Variants in DNAJC1 observed in about 807,000 individuals in gnomAD.
The protein encoded by DNAJC1 is DnaJ heat shock protein family (Hsp40) member C1.
In DNAJC1, 58 loss-of-function variants were observed where a neutral mutation model predicts 76.6. That is an observed-to-expected ratio of 0.76 (90% confidence interval 0.61 to 0.94). DNAJC1 has a LOEUF of 0.94. Ranked by LOEUF, DNAJC1 falls within the 40% of genes least tolerant of loss-of-function variation. DNAJC1 has a pLI of 0.00. For synonymous variants in DNAJC1, 258 were observed against 267.9 expected (o/e 0.96, Z 0.36); for missense variants, 689 against 677.3 (o/e 1.02, Z -0.19).
chr10:21,791,647 T>G (rs1219461781), intron 9 of DNAJC1, among the ~76,000 whole-genome samples: 1 of 151,836 alleles, frequency 6.6e-6, no homozygotes, highest in East Asian at 1.9e-4. Context: ...GACCAATTGG[T>G]CAATAAAAAA....
chr10:21,854,868 A>T (rs1197316551), intron 8 of DNAJC1, among the ~76,000 whole-genome samples: 1 of 152,232 alleles, frequency 6.6e-6, no homozygotes, highest in Non-Finnish European at 1.5e-5. Flanking sequence ...AAATAAATTT[A>T]TAACTAAAAA....
At chr10:21,927,405 C>A (rs896773926) in intron 3 of DNAJC1, among the ~76,000 whole-genome samples, 2 of 152,146 alleles carry the variant, frequency 1.3e-5, no homozygotes, top group Non-Finnish European at 2.9e-5. Flanking sequence ...ATAGGGTTGT[C>A]TGGAGATGTA....
At chr10:21,778,707 G>A (rs909058991) in intron 9 of DNAJC1, among the ~76,000 whole-genome samples, 2 of 152,208 alleles carry the variant, frequency 1.3e-5, no homozygotes, top group Non-Finnish European at 2.9e-5. Context: ...TTCCAATTGA[G>A]ATACCAGGTT....
chr10:21,920,613 GA>G, intron 4 of DNAJC1, 184 bp downstream of exon 4: 1 of 490,652 alleles, frequency 2.0e-6, no homozygotes, highest in Non-Finnish European at 3.2e-6. Context: ...TTTTTTAAAA[GA>G]AGAATATTTT....
At chr10:21,842,455 T>C (rs972572533) in intron 8 of DNAJC1, among the ~76,000 whole-genome samples, 8 of 152,178 alleles carry the variant, frequency 5.3e-5, no homozygotes, top group African/African-American at 1.9e-4. Context: ...TTAAAAAGCG[T>C]ATATAATTCT....
At chr10:21,939,520 T>A (rs1039327091) in intron 1 of DNAJC1, among the ~76,000 whole-genome samples, 1 of 152,210 alleles carries the variant, frequency 6.6e-6, no homozygotes, top group African/African-American at 2.4e-5. Context: ...TAAATCTTTT[T>A]ACTGTATTTT....
At chr10:21,957,024 T>C (rs1300199108) in intron 1 of DNAJC1, among the ~76,000 whole-genome samples, 1 of 151,560 alleles carries the variant, frequency 6.6e-6, no homozygotes, top group Non-Finnish European at 1.5e-5. Context: ...CCCAAGGAAC[T>C]GGGATTACAG....
At chr10:21,779,364 C>A (rs974594171) in intron 9 of DNAJC1, among the ~76,000 whole-genome samples, 1 of 152,174 alleles carries the variant, frequency 6.6e-6, no homozygotes, top group Non-Finnish European at 1.5e-5. Context: ...CCAACTGACA[C>A]CTCACACGGC....
intron 1 of DNAJC1, among the ~76,000 whole-genome samples, chr10:21,951,616 CCT>C (rs1837596490): frequency 6.6e-6 from 1 of 151,908 alleles, no homozygotes; most frequent in Non-Finnish European, 1.5e-5. Context: ...TATCAGTTTC[CCT>C]TTGTCCAGAG....
chr10:21,891,476 C>CAAAAAAAAAAAAAAAAAAAAAAA (rs369729722), intron 7 of DNAJC1, among the ~76,000 whole-genome samples: 132 of 38,594 alleles, frequency 3.4e-3, no homozygotes, highest in Non-Finnish European at 4.1e-3. Flanking sequence ...ACAAAGTAGA[C>CAAAAAAAAAAAAAAAAAAAAAAA]AAAAAAAAAA....
intron 8 of DNAJC1, among the ~76,000 whole-genome samples, chr10:21,871,794 C>T (rs1207686722): frequency 6.6e-6 from 1 of 151,794 alleles, no homozygotes; most frequent in African/African-American, 2.4e-5. Context: ...CACCACCACA[C>T]CCAGCTAATT....
At chr10:21,813,663 C>T (rs1329048772) in intron 8 of DNAJC1, among the ~76,000 whole-genome samples, 2 of 152,180 alleles carry the variant, frequency 1.3e-5, no homozygotes, top group Non-Finnish European at 2.9e-5. Context: ...GCTGGGATTA[C>T]AGGCGTGAGC....
intron 8 of DNAJC1, among the ~76,000 whole-genome samples, chr10:21,840,990 C>G (rs2131679123): frequency 6.6e-6 from 1 of 152,274 alleles, no homozygotes; most frequent in East Asian, 1.9e-4. Context: ...CTGACAAAAA[C>G]AAGCAATGGG....
At chr10:21,897,838 C>A (rs569680454) in intron 7 of DNAJC1, among the ~76,000 whole-genome samples, 158 of 152,344 alleles carry the variant, frequency 1.0e-3, no homozygotes, top group African/African-American at 3.7e-3. Context: ...ACTCCCACCA[C>A]ACTTTGTTGT....
At chr10:21,849,641 A>G (rs186895914) in intron 8 of DNAJC1, among the ~76,000 whole-genome samples, 15 of 152,270 alleles carry the variant, frequency 9.9e-5, no homozygotes, top group Admixed American at 3.9e-4. Context: ...CTGATTTCCA[A>G]GTCTGACAAA....
chr10:21,867,268 G>A (rs776438463), intron 8 of DNAJC1, among the ~76,000 whole-genome samples: 13 of 152,026 alleles, frequency 8.6e-5, no homozygotes, highest in African/African-American at 1.5e-4. Flanking sequence ...GACAGCGAGC[G>A]AATATAAGAA....
At chr10:21,910,941 G>A (rs1836848549) in intron 6 of DNAJC1, among the ~76,000 whole-genome samples, 1 of 146,294 alleles carries the variant, frequency 6.8e-6, no homozygotes, top group South Asian at 2.2e-4. Context: ...GAGAGAGAAA[G>A]AGACAAAGAA....
At chr10:21,844,278 TTG>T (rs1435361004) in intron 8 of DNAJC1, among the ~76,000 whole-genome samples, 1 of 152,076 alleles carries the variant, frequency 6.6e-6, no homozygotes, top group African/African-American at 2.4e-5. Flanking sequence ...TTTTTTTTTT[TTG>T]TATTTTTAGT....
At chr10:21,846,414 G>A (rs1330185891) in intron 8 of DNAJC1, among the ~76,000 whole-genome samples, 4 of 152,116 alleles carry the variant, frequency 2.6e-5, no homozygotes, top group Non-Finnish European at 5.9e-5. Context: ...GGTTGACCAG[G>A]TATCTGGACC....
Sources: gnomAD v4.1 joint callset for allele counts (sites outside exome capture counted in the v4.1 genomes callset) on GRCh38, gnomAD v4.1.1 for gene constraint, MANE v1.5 for transcripts, NCBI Gene and HGNC (gene_info 2026-07-23, HGNC 2026-07-21) for gene names.